The following FLT3 variants were observed in gnomAD, a reference collection of about 807,000 sequenced individuals.
FLT3 encodes the protein receptor-type tyrosine-protein kinase FLT3.
A neutral mutation model predicts 126.6 loss-of-function variants in FLT3; 46 were observed. The ratio of observed to expected loss-of-function variants is 0.36; its 90% CI spans 0.29 to 0.46. FLT3 has a LOEUF of 0.46. FLT3 is among the 20% of genes least tolerant of loss of function. The pLI is 1.00. For synonymous variants in FLT3, 404 were observed against 434.4 expected (o/e 0.93, Z 0.87); for missense variants, 1,069 against 1,190.3 (o/e 0.90, Z 1.50).
At chr13:28,060,351 G>A (rs887058885) in intron 3 of FLT3, among the ~76,000 whole-genome samples, 1 of 150,322 alleles carries the variant, frequency 6.7e-6, no homozygotes, top group Non-Finnish European at 1.5e-5. Flanking sequence ...GCAGCTGGGA[G>A]GCAGAGGTTG....
chr13:28,025,598 T>C (rs1872726312), intron 17 of FLT3, among the ~76,000 whole-genome samples: 1 of 152,170 alleles, frequency 6.6e-6, no homozygotes, highest in South Asian at 2.1e-4. Flanking sequence ...ACCACAAATA[T>C]TCCAAAAGGA....
Position 28,024,298 on chromosome 13 carries a change from A to G in FLT3, c.2290+563T>C, listed in dbSNP as rs113326513. Among the ~76,000 whole-genome samples the G allele has an allele frequency of 4.2e-3, 642 of 151,830 alleles. 4 individuals are homozygous for G. The highest frequency in any genetic ancestry group is 0.014 in the African/African-American group (600 of 41,386). The stretch of plus-strand genomic sequence containing the variant: ...AGGCGTGCACCACCATACCCAGCTA[A>G]TTTTTGTATTTTTAGTAGAGACAAG... On this transcript the variant is annotated intron_variant, in intron 18 of 23. Transcript: ENST00000241453.
chr13:28,005,969 G>A (rs1870848637), intron 23 of FLT3, among the ~76,000 whole-genome samples: 1 of 151,870 alleles, frequency 6.6e-6, no homozygotes, highest in African/African-American at 2.4e-5. Flanking sequence ...TATATAAAAG[G>A]CTATACAGGC....
intron 1 of FLT3, among the ~76,000 whole-genome samples, chr13:28,081,293 T>A (rs543808462): frequency 1.7e-3 from 180 of 105,380 alleles, no homozygotes; most frequent in African/African-American, 4.3e-3. Context: ...AGATCTTACT[T>A]AATTTCTCTT....
chr13:28,081,492 G>C (rs2137809342), intron 1 of FLT3, among the ~76,000 whole-genome samples: 1 of 152,254 alleles, frequency 6.6e-6, no homozygotes, highest in East Asian at 1.9e-4. Flanking sequence ...ATTAGTTACA[G>C]TCACTTTTTG....
At chr13:28,031,690 G>A (rs557696505) in intron 15 of FLT3, among the ~76,000 whole-genome samples, 1 of 152,270 alleles carries the variant, frequency 6.6e-6, no homozygotes, top group Admixed American at 6.5e-5. Context: ...GAAAGGGGAA[G>A]GGGAAGCAGA....
chr13:28,074,667 G>T (rs768264970), intron 1 of FLT3, among the ~76,000 whole-genome samples: 2 of 151,810 alleles, frequency 1.3e-5, no homozygotes, highest in African/African-American at 2.4e-5. Context: ...TTGAGACAGG[G>T]TCTCACCCTG....
In FLT3 at chr13:28,035,539, T is replaced by A; in HGVS notation, c.1553A>T (p.Asn518Ile). The A allele has an allele frequency of 6.2e-7, 1 of 1,614,208 alleles. No individual in the cohort carries two copies. Among genetic ancestry groups the A allele is most frequent in the Non-Finnish European group, 8.5e-7 (1 of 1,180,028 alleles). Reference sequence around the variant, plus strand: ...CGTCTCACAAGATGTGCCAAGGGAATTGTATGCACAGCACTTGACCAGGAA... The same window carrying A: ...CGTCTCACAAGATGTGCCAAGGGAAATGTATGCACAGCACTTGACCAGGAA... ...KGFLVKCCAY[N>I]SLGTSCETIL... The change falls in exon 12 of 24, where the codon AAT becomes ATT. Residue 518 changes from asparagine (N) to isoleucine (I), a missense_variant. Physicochemically the swap from Asn to Ile is moderately radical, Grantham distance 149. Coordinates refer to ENST00000241453, the MANE Select transcript of FLT3 (RefSeq NM_004119.3).
chr13:28,090,609 C>A (rs1878973453), intron 1 of FLT3, among the ~76,000 whole-genome samples: 2 of 152,074 alleles, frequency 1.3e-5, no homozygotes, highest in Non-Finnish European at 2.9e-5. Flanking sequence ...AAAGCCCCAT[C>A]TCTACCAAAA....
At chr13:28,021,157 A>G (rs1304434267) in intron 19 of FLT3, among the ~76,000 whole-genome samples, 2 of 152,182 alleles carry the variant, frequency 1.3e-5, no homozygotes, top group African/African-American at 2.4e-5. Context: ...TGGGAAGCCG[A>G]GGCGGGCAAA....
At chr13:28,094,701 GT>G (rs1698193560) in intron 1 of FLT3, among the ~76,000 whole-genome samples, 2 of 152,064 alleles carry the variant, frequency 1.3e-5, no homozygotes, top group African/African-American at 2.4e-5. Context: ...GGGTCTCGCT[GT>G]ATTGCCCAGG....
intron 3 of FLT3, 70 bp from the exon 4 acceptor site, chr13:28,057,532 C>A: frequency 1.3e-6 from 1 of 795,284 alleles, no homozygotes; most frequent in Non-Finnish European, 2.2e-6. Flanking sequence ...TTCATAGTGA[C>A]TAAAAAGGCA....
intron 1 of FLT3, among the ~76,000 whole-genome samples, chr13:28,098,332 A>G (rs1378795880): frequency 6.6e-6 from 1 of 151,512 alleles, no homozygotes; most frequent in Non-Finnish European, 1.5e-5. Context: ...AAAAAAAAAA[A>G]AAAAGTAGTG....
Position 28,003,467 on chromosome 13 carries a change from C to G in FLT3, c.*585G>C, listed in dbSNP as rs1870616494. 4.3e-6 allele frequency: 1 copy of G among 234,906 alleles called. No individual in the cohort carries two copies. Among genetic ancestry groups the G allele is most frequent in the Non-Finnish European group, 8.4e-6 (1 of 119,128 alleles). 14.6% of individuals were successfully genotyped at this position (234,906 alleles called of 1,614,324 possible). On this transcript the variant is annotated 3_prime_UTR_variant, in exon 24 of 24. Transcript: ENST00000241453. ...CTTAGGCTGTGACAACCATAGCTGC[C>G]TACACATTCCTTGTATCTTGGGGTA...
intron 11 of FLT3, 86 bp from the exon 12 acceptor site, chr13:28,035,759 A>T (rs2137682487): frequency 7.2e-7 from 1 of 1,382,634 alleles, no homozygotes; most frequent in African/African-American, 1.4e-5. Flanking sequence ...TCTAAAAGAG[A>T]TTCATCCAGT....
At chr13:28,079,440 T>C (rs894419821) in intron 1 of FLT3, among the ~76,000 whole-genome samples, 2 of 152,190 alleles carry the variant, frequency 1.3e-5, no homozygotes, top group African/African-American at 4.8e-5. Context: ...TTCTGCCTGT[T>C]ACCCAGTTCC....
rs1415960627 is a variant in FLT3 at position 28,049,689 on chromosome 13, A to G, written c.828T>C (p.His276=). ...AGGTGAGCCCGAATCCATGGTTCAC[A>G]TGAACAGCTTTGCACCTTATCCATA... The part of the protein sequence containing the change: ...EPLWIRCKAV[H]VNHGFGLTWE... Residue 276 remains histidine (H), a synonymous_variant, in exon 7 of 24, where the codon CAT becomes CAC. Coordinates refer to ENST00000241453, the MANE Select transcript of FLT3 (RefSeq NM_004119.3). 6.2e-7 allele frequency: 1 copy of G among 1,614,198 alleles called. No individual in the cohort carries two copies. The highest frequency in any genetic ancestry group is 8.5e-7 in the Non-Finnish European group (1 of 1,180,018).
At chr13:28,030,568 T>C (rs2137662592) in intron 15 of FLT3, among the ~76,000 whole-genome samples, 1 of 152,188 alleles carries the variant, frequency 6.6e-6, no homozygotes, top group African/African-American at 2.4e-5. Flanking sequence ...GTGCCATAAA[T>C]GCAATACGGC....
intron 1 of FLT3, among the ~76,000 whole-genome samples, chr13:28,096,480 AG>A (rs1358341769): frequency 1.3e-5 from 2 of 151,860 alleles, no homozygotes; most frequent in African/African-American, 4.8e-5. Flanking sequence ...TCTGTCACCA[AG>A]GGTATAGTGC....
Sources: gnomAD v4.1 joint callset for allele counts (sites outside exome capture counted in the v4.1 genomes callset) on GRCh38, gnomAD v4.1.1 for gene constraint, MANE v1.5 for transcripts, NCBI Gene and HGNC (gene_info 2026-07-23, HGNC 2026-07-21) for gene names.